The following SLC35F3 variants were observed in gnomAD, a reference collection of about 807,000 sequenced individuals.
The protein encoded by SLC35F3 is putative thiamine transporter SLC35F3.
SLC35F3 carries 25 observed loss-of-function variants against 49.9 expected under a neutral mutation model. The ratio of observed to expected loss-of-function variants is 0.50; its 90% confidence interval spans 0.37 to 0.70. The LOEUF (loss-of-function observed/expected upper bound fraction) is 0.70, where lower values mean the gene tolerates loss of function less well. SLC35F3 is among the 30% of genes least tolerant of loss of function. The pLI is 0.00. For missense variants in SLC35F3, 525 were observed against 639.8 expected, an observed-to-expected ratio of 0.82 and a Z score of 1.94; for synonymous variants, 275 against 265.4, an observed-to-expected ratio of 1.04 and a Z score of -0.35.
At chr1:234,253,203 G>A (rs1415517085) in intron 3 of SLC35F3, among the ~76,000 whole-genome samples, 1 of 152,166 alleles carries the variant, frequency 6.6e-6, no homozygotes, top group Non-Finnish European at 1.5e-5. Context: ...GGGCACACCT[G>A]TAATCCCAGC....
intron 2 of SLC35F3, among the ~76,000 whole-genome samples, chr1:234,182,208 A>G (rs1395738219): frequency 6.6e-6 from 1 of 152,204 alleles, no homozygotes; most frequent in Admixed American, 6.5e-5. Context: ...ATCCTTAATG[A>G]TATTCCAATT....
At chr1:234,133,327 GTCTCTTAAATTC>G (rs1665761182) in intron 2 of SLC35F3, among the ~76,000 whole-genome samples, 1 of 152,116 alleles carries the variant, frequency 6.6e-6, no homozygotes, top group South Asian at 2.1e-4. Flanking sequence ...GAAATGAAAT[GTCTCTTAAATTC>G]CTAGGAGAGC....
At chr1:234,098,261 TTGG>T (rs948149417) in intron 2 of SLC35F3, among the ~76,000 whole-genome samples, 33 of 133,580 alleles carry the variant, frequency 2.5e-4, no homozygotes, top group Non-Finnish European at 3.2e-4. Flanking sequence ...TGATTGTGTG[TTGG>T]TGGTGGTGGT....
intron 2 of SLC35F3, among the ~76,000 whole-genome samples, chr1:234,072,542 G>C (rs1664730954): frequency 6.6e-6 from 1 of 152,186 alleles, no homozygotes; most frequent in Admixed American, 6.5e-5. Flanking sequence ...AAGCCAGGAG[G>C]GCCTGGGACA....
At chr1:234,169,561 G>C (rs1666367480) in intron 2 of SLC35F3, among the ~76,000 whole-genome samples, 1 of 151,970 alleles carries the variant, frequency 6.6e-6, no homozygotes, top group African/African-American at 2.4e-5. Context: ...TGATGCTCTG[G>C]ACAGGGACAT....
At chr1:234,091,151 A>G (rs781611575) in intron 2 of SLC35F3, among the ~76,000 whole-genome samples, 3 of 152,246 alleles carry the variant, frequency 2.0e-5, no homozygotes, top group Non-Finnish European at 2.9e-5. Flanking sequence ...TCCTTCATTC[A>G]TTCCCACTAA....
chr1:233,906,004 T>C (rs796668321), intron 2 of SLC35F3, among the ~76,000 whole-genome samples: 5 of 152,326 alleles, frequency 3.3e-5, no homozygotes, highest in African/African-American at 1.2e-4. Flanking sequence ...TCTGTATCCT[T>C]ATCTCTCCAC....
At chr1:234,229,985 G>T (rs986895573) in intron 2 of SLC35F3, among the ~76,000 whole-genome samples, 6 of 152,176 alleles carry the variant, frequency 3.9e-5, no homozygotes, top group Admixed American at 6.5e-5. Flanking sequence ...AGGAACAGAC[G>T]GCTTGTCAGA....
intron 2 of SLC35F3, among the ~76,000 whole-genome samples, chr1:233,921,306 C>T (rs528136783): frequency 5.3e-5 from 8 of 152,254 alleles, no homozygotes; most frequent in Non-Finnish European, 7.4e-5. Context: ...CGCCCCACCC[C>T]GACACATGCA....
At chr1:233,913,201 C>T (rs902926521) in intron 2 of SLC35F3, among the ~76,000 whole-genome samples, 5 of 152,158 alleles carry the variant, frequency 3.3e-5, no homozygotes, top group African/African-American at 1.2e-4. Flanking sequence ...AACATATGCA[C>T]GGGAATGTAG....
At chr1:234,184,140 A>T (rs1666600296) in intron 2 of SLC35F3, among the ~76,000 whole-genome samples, 1 of 150,238 alleles carries the variant, frequency 6.7e-6, no homozygotes, top group African/African-American at 2.5e-5. Context: ...AGTTTTTTTA[A>T]AAAAAAAAAA....
intron 2 of SLC35F3, among the ~76,000 whole-genome samples, chr1:233,973,130 G>T (rs994855567): frequency 2.0e-5 from 3 of 152,232 alleles, no homozygotes; most frequent in Non-Finnish European, 4.4e-5. Context: ...CATCTGCAGG[G>T]TGCATTAGTC....
chr1:234,123,175 AG>A (rs1210011436), intron 2 of SLC35F3, among the ~76,000 whole-genome samples: 2 of 152,126 alleles, frequency 1.3e-5, no homozygotes, highest in African/African-American at 4.8e-5. Flanking sequence ...CTGGAGTGAG[AG>A]GGTATCTCAT....
At chr1:234,184,250 G>A (rs560795559) in intron 2 of SLC35F3, among the ~76,000 whole-genome samples, 1 of 130,600 alleles carries the variant, frequency 7.7e-6, no homozygotes, top group South Asian at 2.3e-4. Flanking sequence ...CTTACATTGC[G>A]ACTTTTCTTC....
chr1:234,110,821 A>G (rs543713388), intron 2 of SLC35F3, among the ~76,000 whole-genome samples: 1 of 152,324 alleles, frequency 6.6e-6, no homozygotes, highest in South Asian at 2.1e-4. Context: ...AATACAAACT[A>G]CAGAAAAATC....
At chr1:234,101,694 A>G (rs906073244) in intron 2 of SLC35F3, among the ~76,000 whole-genome samples, 2 of 152,244 alleles carry the variant, frequency 1.3e-5, no homozygotes, top group Non-Finnish European at 2.9e-5. Context: ...ATTCCCAGGC[A>G]TGACGGGGGT....
chr1:234,010,332 T>C (rs1271115899), intron 2 of SLC35F3, among the ~76,000 whole-genome samples: 4 of 152,128 alleles, frequency 2.6e-5, no homozygotes, highest in African/African-American at 9.7e-5. Context: ...AAGCAAAGAT[T>C]TGTAGTAGAT....
intron 2 of SLC35F3, among the ~76,000 whole-genome samples, chr1:233,964,777 G>T (rs1662873999): frequency 6.6e-6 from 1 of 152,220 alleles, no homozygotes; most frequent in South Asian, 2.1e-4. Context: ...ATGCTGATGA[G>T]TTCCTTTGAG....
At chr1:234,236,928 TATATATATATATATATATA>T (rs1558269495) in intron 3 of SLC35F3, among the ~76,000 whole-genome samples, 4 of 18,340 alleles carry the variant, frequency 2.2e-4, no homozygotes, top group African/African-American at 1.2e-3. Context: ...AAAAAAATTA[TATATATATATATATATATA>T]TATATATATA....
Sources: gnomAD v4.1 joint callset for allele counts (sites outside exome capture counted in the v4.1 genomes callset) on GRCh38, gnomAD v4.1.1 for gene constraint, MANE v1.5 for transcripts, NCBI Gene and HGNC (gene_info 2026-07-23, HGNC 2026-07-21) for gene names.